CDC42BPB: variants seen among roughly 807,000 people sequenced by gnomAD.
CDC42BPB encodes serine/threonine-protein kinase MRCK beta.
A neutral mutation model predicts 214.9 loss-of-function variants in CDC42BPB; 37 were observed. The ratio of observed to expected loss-of-function variants is 0.17; its 90% confidence interval spans 0.13 to 0.23. CDC42BPB has a LOEUF of 0.23. Ranked by LOEUF, CDC42BPB falls within the 10% of genes least tolerant of loss-of-function variation. CDC42BPB has a pLI of 1.00. For synonymous variants in CDC42BPB, 931 were observed against 884.0 expected (o/e 1.05, Z -0.94); for missense variants, 1,694 against 2,227.0 (o/e 0.76, Z 4.82).
chr14:103,019,514 C>A (rs554881803), intron 1 of CDC42BPB, among the ~76,000 whole-genome samples: 11 of 152,208 alleles, frequency 7.2e-5, no homozygotes, highest in Non-Finnish European at 1.5e-4. Context: ...GATCGCTGCT[C>A]CCCTGGACCT....
intron 18 of CDC42BPB, 75 bp downstream of exon 18, chr14:102,966,207 T>C (rs1893193793): frequency 8.8e-7 from 1 of 1,132,600 alleles, no homozygotes; most frequent in Non-Finnish European, 1.3e-6. Flanking sequence ...AAATAGTACT[T>C]ATATGTCACA....
rs1479767845 is a variant in CDC42BPB, at chr14:103,057,189, G to A, written c.-16C>T. On this transcript the variant is annotated 5_prime_UTR_variant, in exon 1 of 37. Transcript: ENST00000361246. ...TGGCCGACATGGTGCCGCGCGGCCC[G>A]CTCCCGACGCGCCGGCCTCTCACCG... 6 of 1,370,282 alleles carry A rather than the reference G, an allele frequency of 4.4e-6. No individual in the cohort carries two copies. The highest frequency in any genetic ancestry group is 3.0e-5 in the Admixed American group (1 of 32,826). The allele number at this position is 1,370,282 out of a possible 1,614,324, so 84.9% of individuals were successfully genotyped here.
chr14:102,976,835 C>T (rs1893769048), intron 9 of CDC42BPB, among the ~76,000 whole-genome samples: 1 of 152,198 alleles, frequency 6.6e-6, no homozygotes, highest in African/African-American at 2.4e-5. Flanking sequence ...CAAACTACAG[C>T]CATGGGCTTG....
At chr14:102,976,401 C>A (rs1159067040) in intron 9 of CDC42BPB, among the ~76,000 whole-genome samples, 1 of 152,264 alleles carries the variant, frequency 6.6e-6, no homozygotes, top group Non-Finnish European at 1.5e-5. Flanking sequence ...GTCAGCGGTA[C>A]GCATGGACCA....
chr14:102,945,895 G>C (rs1334083447), intron 28 of CDC42BPB, among the ~76,000 whole-genome samples, 171 bp from the exon 29 acceptor site: 1 of 152,214 alleles, frequency 6.6e-6, no homozygotes, highest in African/African-American at 2.4e-5. Flanking sequence ...CTCTCTACAC[G>C]AACTCCACAG....
chr14:102,971,376 A>G (rs1434530117), intron 13 of CDC42BPB, among the ~76,000 whole-genome samples: 1 of 152,258 alleles, frequency 6.6e-6, no homozygotes, highest in African/African-American at 2.4e-5. Flanking sequence ...TGTAGCCTAC[A>G]TAAGAAAGCT....
At chr14:102,981,916 C>T (rs1894023159) in intron 7 of CDC42BPB, among the ~76,000 whole-genome samples, 1 of 152,234 alleles carries the variant, frequency 6.6e-6, no homozygotes, top group Admixed American at 6.5e-5. Context: ...CGCACGCACA[C>T]ACACGAGCTG....
intron 2 of CDC42BPB, among the ~76,000 whole-genome samples, chr14:103,009,248 C>T (rs1419179816): frequency 6.6e-6 from 1 of 152,212 alleles, no homozygotes; most frequent in Non-Finnish European, 1.5e-5. Context: ...GTATCATCTA[C>T]CTGCCTGTTT....
At chr14:102,962,111 G>A (rs1475428907) in intron 20 of CDC42BPB, among the ~76,000 whole-genome samples, 1 of 152,222 alleles carries the variant, frequency 6.6e-6, no homozygotes, top group Admixed American at 6.5e-5. Context: ...CTACGGAGAT[G>A]CTATTTCTCA....
At position 102,933,532 on chromosome 14, in the gene CDC42BPB, C is replaced by T; in HGVS notation, c.*180G>A. 1 of 516,250 alleles carries T rather than the reference C, an allele frequency of 1.9e-6. No homozygotes were observed. The highest frequency in any genetic ancestry group is 3.2e-6 in the Non-Finnish European group (1 of 312,322). 32.0% of individuals were successfully genotyped at this position (516,250 alleles called of 1,614,324 possible). A position where few individuals can be genotyped will look rare whatever the true frequency, so the allele number is the denominator to read the frequency against. ...TGTGCAGACGAACAGATGTGGTCTA[C>T]TGCCACGAACAATGCGGCATAAAAC... On this transcript the variant is annotated 3_prime_UTR_variant, in exon 37 of 37. Transcript: ENST00000361246.
rs1401243402 is a variant in CDC42BPB, at chr14:102,944,227, G to C, written c.4072C>G (p.Gln1358Glu). ...TTTCTGTGGAATGGCTTCGTTCTCT[G>C]GATCTCATAGCAAAGGATCAGCCGT... is the stretch of plus-strand genomic sequence containing the variant. ...VKRLILCYEI[Q>E]RTKPFHRKFN... Residue 1358 changes from glutamine to glutamate, a missense_variant, in exon 30 of 37, where the codon CAG (glutamine) becomes GAG (glutamate). By Grantham distance (29) the Gln-to-Glu change is conservative (BLOSUM62 2). Transcript: ENST00000361246. This position sits in a 1 kb window ranked among gnomAD's most constrained non-coding sequence, Gnocchi z 6.6. The C allele has an allele frequency of 2.5e-6, 4 of 1,613,302 alleles. No homozygotes were observed. In the Admixed American group the frequency reaches 6.7e-5, roughly 27 times the overall value.
intron 26 of CDC42BPB, among the ~76,000 whole-genome samples, chr14:102,948,141 G>C (rs1284316307): frequency 1.6e-5 from 1 of 61,090 alleles, no homozygotes. Context: ...GACAAGTGGG[G>C]TGAGGGGTGT....
chr14:102,967,243 A>C (rs1157126538), intron 16 of CDC42BPB, 73 bp from the exon 17 acceptor site: 1 of 1,526,470 alleles, frequency 6.6e-7, no homozygotes, highest in Non-Finnish European at 8.8e-7. Flanking sequence ...TAACACTGGA[A>C]GTTCTTTTGA....
chr14:103,001,947 A>T lies in CDC42BPB; in HGVS notation c.447+1981T>A, dbSNP rs1453676448. On this transcript the variant is annotated intron_variant, in intron 4 of 36. Coordinates refer to ENST00000361246, the MANE Select transcript of CDC42BPB (RefSeq NM_006035.4). The surrounding 1 kb of genome is among the most constrained non-coding windows in gnomAD (Gnocchi z 5.8). ...CGGGAGCTCGTGAGGCAGACGGCGG[A>T]GGCCCACTCCAGAATGAGAATCAGA... 6.6e-6 allele frequency among the ~76,000 whole-genome samples: 1 copy of T among 152,230 alleles called. No homozygotes were observed. Among genetic ancestry groups the T allele is most frequent in the East Asian group, 1.9e-4 (1 of 5,202 alleles).
intron 1 of CDC42BPB, among the ~76,000 whole-genome samples, chr14:103,014,704 T>C (rs946728960): frequency 7.9e-5 from 12 of 152,128 alleles, no homozygotes; most frequent in African/African-American, 2.9e-4. Flanking sequence ...CAGTGAGTTA[T>C]GAACAATGGC....
chr14:102,954,373 T>C, intron 22 of CDC42BPB, 98 bp from the exon 23 acceptor site: 1 of 1,446,404 alleles, frequency 6.9e-7, no homozygotes, highest in East Asian at 2.5e-5. Flanking sequence ...GTGTTAACAG[T>C]GAACAGTTCT....
intron 2 of CDC42BPB, among the ~76,000 whole-genome samples, chr14:103,009,148 C>T (rs1886009780): frequency 6.6e-6 from 1 of 152,216 alleles, no homozygotes. Context: ...GCAGTGACAG[C>T]GGCTTCCATA....
At chr14:103,033,196 T>C (rs1887487551) in intron 1 of CDC42BPB, among the ~76,000 whole-genome samples, 1 of 152,092 alleles carries the variant, frequency 6.6e-6, no homozygotes, top group Admixed American at 6.6e-5. Context: ...TTATTCTATA[T>C]GCTCTACCTC....
intron 1 of CDC42BPB, among the ~76,000 whole-genome samples, chr14:103,037,124 G>A (rs1887708861): frequency 6.6e-6 from 1 of 152,078 alleles, no homozygotes. Context: ...AGCTTTTAAT[G>A]TTTAAAACAA....
Sources: gnomAD v4.1 joint callset for allele counts (sites outside exome capture counted in the v4.1 genomes callset) on GRCh38, gnomAD v4.1.1 for gene constraint, Gnocchi (gnomAD v3.1) non-coding constraint, MANE v1.5 for transcripts, NCBI Gene and HGNC (gene_info 2026-07-23, HGNC 2026-07-21) for gene names.